Variants in FAM43A observed in about 807,000 individuals in gnomAD.
FAM43A encodes family with sequence similarity 43 member A, also known as protein FAM43A.
A neutral mutation model predicts 15.7 loss-of-function variants in FAM43A; 11 were observed. The observed-to-expected ratio is 0.70, with a 90% confidence interval of 0.44 to 1.16. The LOEUF is 1.16. FAM43A is among the 50% of genes most tolerant of loss of function. FAM43A has a pLI of 0.00. For synonymous variants in FAM43A, 319 were observed against 291.7 expected, an observed-to-expected ratio of 1.09 and a Z score of -0.96; for missense variants, 573 against 620.0, an observed-to-expected ratio of 0.92 and a Z score of 0.80.
In FAM43A at chr3:194,686,670, TCCCCTCCCCCCAAC is replaced by T. The variant is rs1301991478; in HGVS notation, c.-156_-143del. On this transcript the variant is annotated 5_prime_UTR_variant, in exon 1 of 1. Transcript: ENST00000329759. ...CGGGGTTCCTAAGCACTCTCTCTGC[TCCCCTCCCCCCAAC>T]TCCCTACCACAGGGCCGCTCCCAGT... The T allele has an allele frequency of 9.7e-6, 6 of 621,338 alleles. No homozygotes were observed. The East Asian group carries it at 2.2e-4, about 23-fold the overall frequency. The allele number at this position is 621,338 out of a possible 1,614,324, so 38.5% of individuals were successfully genotyped here. A position where few individuals can be genotyped will look rare whatever the true frequency, so the allele number is the denominator to read the frequency against.
chr3:194,688,339 C>G lies in FAM43A; in HGVS notation c.*241C>G, dbSNP rs2108629727. 4.7e-6 allele frequency: 2 copies of G among 421,320 alleles called. No individual in the cohort carries two copies. The highest frequency in any genetic ancestry group is 4.2e-6 in the Non-Finnish European group (1 of 239,456). 26.1% of individuals were successfully genotyped at this position (421,320 alleles called of 1,614,324 possible). ...GCGGGGAGATTTGAGAGGGGAAAAC[C>G]CCGCCAGGAGGGAGAGAGAGGCACC... On this transcript the variant is annotated 3_prime_UTR_variant, in exon 1 of 1. Transcript: ENST00000329759.
Position 194,688,227 on chromosome 3 carries a change from C to G in FAM43A, c.*129C>G. On this transcript the variant is annotated 3_prime_UTR_variant, in exon 1 of 1. Coordinates refer to ENST00000329759, the MANE Select transcript of FAM43A (RefSeq NM_153690.5). ...GGGGCCCAGACCTACACTTGGAGCCCAGGTCCAGCGTTCCCCCGACCGCTT... is the reference window on the plus strand; with the variant it reads ...GGGGCCCAGACCTACACTTGGAGCCGAGGTCCAGCGTTCCCCCGACCGCTT... The G allele has an allele frequency of 9.1e-7, 1 of 1,097,208 alleles. No homozygotes were observed. 68.0% of individuals were successfully genotyped at this position (1,097,208 alleles called of 1,614,324 possible).
Position 194,686,623 on chromosome 3 carries a change from G to A in FAM43A, c.-204G>A, listed in dbSNP as rs920823480. On this transcript the variant is annotated 5_prime_UTR_variant, in exon 1 of 1. Coordinates refer to ENST00000329759, the MANE Select transcript of FAM43A (RefSeq NM_153690.5). ...TCGAAGCTGAATATTTTCTTTTTTA[G>A]AGAATTTACCCGCACCTCCTGCGGG... is the stretch of plus-strand genomic sequence containing the variant. 9.2e-5 allele frequency: 39 copies of A among 422,520 alleles called. No individual in the cohort carries two copies. In the Admixed American group the frequency reaches 1.4e-3, roughly 16 times the overall value. The allele number at this position is 422,520 out of a possible 1,614,324, so 26.2% of individuals were successfully genotyped here. A position where few individuals can be genotyped will look rare whatever the true frequency, so the allele number is the denominator to read the frequency against.
rs1003450257 is a variant in FAM43A at position 194,688,952 on chromosome 3, A to G, written c.*854A>G. 1 of 165,456 alleles carries G rather than the reference A, an allele frequency of 6.0e-6. No homozygotes were observed. Among genetic ancestry groups the G allele is most frequent in the African/African-American group, 2.4e-5 (1 of 41,440 alleles). The allele number at this position is 165,456 out of a possible 1,614,324, so 10.2% of individuals were successfully genotyped here. A position where few individuals can be genotyped will look rare whatever the true frequency, so the allele number is the denominator to read the frequency against. On this transcript the variant is annotated 3_prime_UTR_variant, in exon 1 of 1. Coordinates refer to ENST00000329759, the MANE Select transcript of FAM43A (RefSeq NM_153690.5). ...TTGTATATACAGAAATGTGTATAAAACATTTTGTTATTTTTTAAAAGTAGC... is the reference window on the plus strand; with the variant it reads ...TTGTATATACAGAAATGTGTATAAAGCATTTTGTTATTTTTTAAAAGTAGC...
Position 194,688,432 on chromosome 3 carries a change from T to G in FAM43A, c.*334T>G. The G allele has an allele frequency of 1.6e-5, 4 of 242,992 alleles. No homozygotes were observed. The highest frequency in any genetic ancestry group is 1.6e-4 in the East Asian group (2 of 12,550). The allele number at this position is 242,992 out of a possible 1,614,324, so 15.1% of individuals were successfully genotyped here. Reference sequence around the variant, plus strand: ...TCTCAGGCCGTAGGTGCCTGGCCAGTTTCCTGTTTGTGGGGCAGCTGGGGC... The same window carrying G: ...TCTCAGGCCGTAGGTGCCTGGCCAGGTTCCTGTTTGTGGGGCAGCTGGGGC... On this transcript the variant is annotated 3_prime_UTR_variant, in exon 1 of 1. Transcript: ENST00000329759.
rs1719423749 is a variant in FAM43A at position 194,686,692 on chromosome 3, C to T, written c.-135C>T. Reference sequence around the variant, plus strand: ...TGCTCCCCTCCCCCCAACTCCCTACCACAGGGCCGCTCCCAGTAGTTTTAT... The same window carrying T: ...TGCTCCCCTCCCCCCAACTCCCTACTACAGGGCCGCTCCCAGTAGTTTTAT... On this transcript the variant is annotated 5_prime_UTR_variant, in exon 1 of 1. Coordinates refer to ENST00000329759, the MANE Select transcript of FAM43A (RefSeq NM_153690.5). The T allele has an allele frequency of 1.1e-6, 1 of 908,672 alleles. No homozygotes were observed. The highest frequency in any genetic ancestry group is 1.5e-6 in the Non-Finnish European group (1 of 680,342). 56.3% of individuals were successfully genotyped at this position (908,672 alleles called of 1,614,324 possible). A position where few individuals can be genotyped will look rare whatever the true frequency, so the allele number is the denominator to read the frequency against.
Position 194,687,724 on chromosome 3 carries a change from C to T in FAM43A, c.898C>T (p.Arg300Cys). Residue 300 changes from arginine (R) to cysteine (C), a missense_variant, in exon 1 of 1, where the codon CGT (arginine) becomes TGT (cysteine). Arg to Cys is a radical substitution (Grantham distance 180). Transcript: ENST00000329759. ...DPAEEEAEAQ[R>C]ALVVAMHFEC... Reference sequence around the variant, plus strand: ...AGCAGAGGAGGAGGCCGAGGCGCAGCGTGCGCTAGTGGTCGCCATGCACTT... The same window carrying T: ...AGCAGAGGAGGAGGCCGAGGCGCAGTGTGCGCTAGTGGTCGCCATGCACTT... 2.6e-6 allele frequency: 4 copies of T among 1,558,956 alleles called. No individual in the cohort carries two copies. The highest frequency in any genetic ancestry group is 3.5e-6 in the Non-Finnish European group (4 of 1,150,874).
Position 194,687,881 on chromosome 3 carries a change from A to G in FAM43A, c.1055A>G (p.Glu352Gly). The G allele has an allele frequency of 6.8e-7, 1 of 1,470,234 alleles. No homozygotes were observed. The highest frequency in any genetic ancestry group is 9.0e-7 in the Non-Finnish European group (1 of 1,110,862). 91.1% of individuals were successfully genotyped at this position (1,470,234 alleles called of 1,614,324 possible). A position where few individuals can be genotyped will look rare whatever the true frequency, so the allele number is the denominator to read the frequency against. Residue 352 changes from glutamate to glycine, a missense_variant, in exon 1 of 1, where the codon GAG becomes GGG. Glu to Gly is a moderately conservative substitution (Grantham distance 98, BLOSUM62 -2). Transcript: ENST00000329759. ...LLGSASDMKA[E>G]LSQLISDLGE... The stretch of plus-strand genomic sequence containing the variant: ...GGCAGCGCCTCCGACATGAAGGCTG[A>G]GCTGTCGCAACTTATTAGCGACCTG...
At position 194,687,038 on chromosome 3, in the gene FAM43A, C is replaced by T. The variant is rs1560236460; in HGVS notation, c.212C>T (p.Thr71Ile). ...ATCACTAGCGAGGACCCAACTTACA[C>T]CGTGCTCTACCTGGGCAATGCCACC... is the stretch of plus-strand genomic sequence containing the variant. ...LHITSEDPTY[T>I]VLYLGNATTI... is the part of the protein sequence containing the mutation. Residue 71 changes from threonine (T) to isoleucine (I), a missense_variant, in exon 1 of 1, where the codon ACC becomes ATC. Physicochemically the swap from Thr to Ile is moderately conservative, Grantham distance 89. Transcript: ENST00000329759. The T allele has an allele frequency of 1.2e-6, 2 of 1,612,692 alleles. No individual in the cohort carries two copies. The highest frequency in any genetic ancestry group is 1.7e-4 in the Middle Eastern group (1 of 6,060).
rs895946438 is a variant in FAM43A, at chr3:194,688,772, C to T, written c.*674C>T. On this transcript the variant is annotated 3_prime_UTR_variant, in exon 1 of 1. Transcript: ENST00000329759. ...TTCCTTTAGAAACACACACACCCTT[C>T]CTCTTGCTCAAAAGATCTCACTCCA... 6.0e-6 allele frequency: 1 copy of T among 166,990 alleles called. No individual in the cohort carries two copies. Among genetic ancestry groups the T allele is most frequent in the African/African-American group, 2.4e-5 (1 of 41,422 alleles). 10.3% of individuals were successfully genotyped at this position (166,990 alleles called of 1,614,324 possible).
rs1719468400 is a variant in FAM43A at position 194,688,027 on chromosome 3, A to G, written c.1201A>G (p.Thr401Ala). 1 of 1,409,042 alleles carries G rather than the reference A, an allele frequency of 7.1e-7. No homozygotes were observed. Among genetic ancestry groups the G allele is most frequent in the East Asian group, 2.8e-5 (1 of 36,186 alleles). 87.3% of individuals were successfully genotyped at this position (1,409,042 alleles called of 1,614,324 possible). ...SSIEGGGPDA[T>A]SATAGDSSRQ... ...CATCGAGGGCGGGGGCCCTGACGCC[A>G]CCTCCGCCACCGCCGGGGACTCGTC... Residue 401 changes from threonine to alanine, a missense_variant, in exon 1 of 1, where the codon ACC (threonine) becomes GCC (alanine). Thr to Ala is a moderately conservative substitution (Grantham distance 58, BLOSUM62 0). Transcript: ENST00000329759.
Position 194,687,286 on chromosome 3 carries a change from G to A in FAM43A, c.460G>A (p.Ala154Thr), listed in dbSNP as rs778114503. Residue 154 changes from alanine (A) to threonine (T), a missense_variant, in exon 1 of 1, where the codon GCC (alanine) becomes ACC (threonine). Ala to Thr is a moderately conservative substitution (Grantham distance 58). Transcript: ENST00000329759. ...VADARLPKVF[A>T]WVYRHELKHK... is the part of the protein sequence containing the mutation. ...CGACGCGCGGCTGCCCAAGGTCTTC[G>A]CCTGGGTGTACCGGCACGAGCTGAA... 1 of 1,579,200 alleles carries A rather than the reference G, an allele frequency of 6.3e-7. No homozygotes were observed. Among genetic ancestry groups the A allele is most frequent in the Admixed American group, 1.8e-5 (1 of 56,568 alleles).
rs1341063004 is a variant in FAM43A at position 194,688,011 on chromosome 3, CG to C, written c.1190del (p.Gly397AlafsTer104). ...CGGGCAGCGAGAGCTCCATCGAGGG[CG>C]GGGGCCCTGACGCCACCTCCGCCAC... ...STGSESSIEG[G>X]GPDATSATAG... is the part of the protein sequence containing the mutation. On this transcript the variant is annotated frameshift_variant, in exon 1 of 1. Transcript: ENST00000329759. LOFTEE classifies it low-confidence loss of function (END_TRUNC). 6 of 1,419,606 alleles carry C rather than the reference CG, an allele frequency of 4.2e-6. No individual in the cohort carries two copies. Among genetic ancestry groups the C allele is most frequent in the Non-Finnish European group, 5.5e-6 (6 of 1,087,132 alleles). 87.9% of individuals were successfully genotyped at this position (1,419,606 alleles called of 1,614,324 possible).
In FAM43A at chr3:194,687,883, C is replaced by G; in HGVS notation, c.1057C>G (p.Leu353Val). 4 of 1,468,706 alleles carry G rather than the reference C, an allele frequency of 2.7e-6. No homozygotes were observed. The highest frequency in any genetic ancestry group is 3.6e-6 in the Non-Finnish European group (4 of 1,110,144). 91.0% of individuals were successfully genotyped at this position (1,468,706 alleles called of 1,614,324 possible). The part of the protein sequence containing the change: ...LGSASDMKAE[L>V]SQLISDLGEL... ...CAGCGCCTCCGACATGAAGGCTGAGCTGTCGCAACTTATTAGCGACCTGGG... is the reference window on the plus strand; with the variant it reads ...CAGCGCCTCCGACATGAAGGCTGAGGTGTCGCAACTTATTAGCGACCTGGG... Residue 353 changes from leucine to valine, a missense_variant, in exon 1 of 1, where the codon CTG becomes GTG. Leu to Val is a conservative substitution (Grantham distance 32, BLOSUM62 1). Transcript: ENST00000329759.
chr3:194,686,942 C>A lies in FAM43A; in HGVS notation c.116C>A (p.Ala39Glu). Residue 39 changes from alanine (A) to glutamate (E), a missense_variant, in exon 1 of 1, where the codon GCG becomes GAG. Ala to Glu is a moderately radical substitution (Grantham distance 107). Coordinates refer to ENST00000329759, the MANE Select transcript of FAM43A (RefSeq NM_153690.5). Reference protein sequence around the residue: ...SLHYSALSSLARACPEGALSR... With the variant: ...SLHYSALSSLERACPEGALSR... Reference sequence around the variant, plus strand: ...CACTACTCGGCGCTCAGCTCGCTGGCGCGGGCGTGCCCCGAAGGCGCGCTT... The same window carrying A: ...CACTACTCGGCGCTCAGCTCGCTGGAGCGGGCGTGCCCCGAAGGCGCGCTT... The A allele has an allele frequency of 6.2e-7, 1 of 1,610,244 alleles. No homozygotes were observed. The highest frequency in any genetic ancestry group is 8.5e-7 in the Non-Finnish European group (1 of 1,177,896).
chr3:194,688,786 G>C lies in FAM43A; in HGVS notation c.*688G>C, dbSNP rs1177687541. Reference sequence around the variant, plus strand: ...CACACACCCTTCCTCTTGCTCAAAAGATCTCACTCCATGATACTGTGTAAA... The same window carrying C: ...CACACACCCTTCCTCTTGCTCAAAACATCTCACTCCATGATACTGTGTAAA... On this transcript the variant is annotated 3_prime_UTR_variant, in exon 1 of 1. Transcript: ENST00000329759. The C allele has an allele frequency of 6.0e-6, 1 of 166,884 alleles. No individual in the cohort carries two copies. Among genetic ancestry groups the C allele is most frequent in the African/African-American group, 2.4e-5 (1 of 41,392 alleles). 10.3% of individuals were successfully genotyped at this position (166,884 alleles called of 1,614,324 possible).
rs2108628766 is a variant in FAM43A at position 194,686,498 on chromosome 3, A to G, written c.-329A>G. ...TCTACGCTCGTTCTTTCTCCCTTGCATTTTGTTGCTTGCCTGAGACTCTTT... is the reference window on the plus strand; with the variant it reads ...TCTACGCTCGTTCTTTCTCCCTTGCGTTTTGTTGCTTGCCTGAGACTCTTT... On this transcript the variant is annotated 5_prime_UTR_variant, in exon 1 of 1. Transcript: ENST00000329759. 4.1e-6 allele frequency: 1 copy of G among 241,554 alleles called. No individual in the cohort carries two copies. The highest frequency in any genetic ancestry group is 8.2e-5 in the East Asian group (1 of 12,226). 15.0% of individuals were successfully genotyped at this position (241,554 alleles called of 1,614,324 possible). A position where few individuals can be genotyped will look rare whatever the true frequency, so the allele number is the denominator to read the frequency against.
Position 194,688,053 on chromosome 3 carries a change from C to T in FAM43A, c.1227C>T (p.Ser409=), listed in dbSNP as rs1464226803. 4 of 1,409,740 alleles carry T rather than the reference C, an allele frequency of 2.8e-6. No individual in the cohort carries two copies. The highest frequency in any genetic ancestry group is 3.7e-6 in the Non-Finnish European group (4 of 1,081,294). 87.3% of individuals were successfully genotyped at this position (1,409,740 alleles called of 1,614,324 possible). A position where few individuals can be genotyped will look rare whatever the true frequency, so the allele number is the denominator to read the frequency against. The change falls in exon 1 of 1, where the codon TCC becomes TCT. Residue 409 remains serine (S), a synonymous_variant. Coordinates refer to ENST00000329759, the MANE Select transcript of FAM43A (RefSeq NM_153690.5). Reference sequence around the variant, plus strand: ...CCTCCGCCACCGCCGGGGACTCGTCCCGCCAGGCCGACGGCGCCAGTGCAG... The same window carrying T: ...CCTCCGCCACCGCCGGGGACTCGTCTCGCCAGGCCGACGGCGCCAGTGCAG... The part of the protein sequence containing the change: ...DATSATAGDS[S]RQADGASADE...
chr3:194,688,669 GT>G lies in FAM43A; in HGVS notation c.*574del, dbSNP rs1210124420. 1 of 166,680 alleles carries G rather than the reference GT, an allele frequency of 6.0e-6. No homozygotes were observed. The highest frequency in any genetic ancestry group is 1.5e-5 in the Non-Finnish European group (1 of 68,226). 10.3% of individuals were successfully genotyped at this position (166,680 alleles called of 1,614,324 possible). On this transcript the variant is annotated 3_prime_UTR_variant, in exon 1 of 1. Transcript: ENST00000329759. Reference sequence around the variant, plus strand: ...ATGTTGCCAAATTCTTCAAATAACTGTTTGGGGGGTGGGGGGAGATGAAAGA... The same window carrying G: ...ATGTTGCCAAATTCTTCAAATAACTGTTGGGGGGTGGGGGGAGATGAAAGA...
Sources: gnomAD v4.1 joint callset for allele counts on GRCh38, gnomAD v4.1.1 for gene constraint, MANE v1.5 for transcripts, NCBI Gene and HGNC (gene_info 2026-07-23, HGNC 2026-07-21) for gene names.